FAT3: variants seen among roughly 807,000 people sequenced by gnomAD.
FAT3 encodes protocadherin Fat 3.
In FAT3, 95 loss-of-function variants were observed where a neutral mutation model predicts 310.2. That is an observed-to-expected ratio of 0.31 (90% CI 0.26 to 0.36). The LOEUF is 0.36. FAT3 is among the 10% of genes least tolerant of loss of function. The probability of loss-of-function intolerance (pLI) is 1.00; values close to 1 mark genes in which losing one functional copy is unlikely to be tolerated. For synonymous variants in FAT3, 2,314 were observed against 2,192.9 expected (o/e 1.06, Z -1.54); for missense variants, 5,408 against 5,715.6 (o/e 0.95, Z 1.74).
chr11:92,885,884 C>T (rs1172430908), intron 24 of FAT3, among the ~76,000 whole-genome samples: 1 of 152,204 alleles, frequency 6.6e-6, no homozygotes, highest in Non-Finnish European at 1.5e-5. Context: ...TATCTCTCCA[C>T]TTACATCGGT....
intron 3 of FAT3, among the ~76,000 whole-genome samples, chr11:92,531,875 A>G (rs555408): frequency 0.42 from 64,031 of 151,654 alleles, 13,547 homozygotes; most frequent in Middle Eastern, 0.56. Flanking sequence ...GCTGTTCTAT[A>G]TGTTATATAA....
At chr11:92,743,802 G>A (rs1294682020) in intron 4 of FAT3, among the ~76,000 whole-genome samples, 1 of 152,176 alleles carries the variant, frequency 6.6e-6, no homozygotes, top group Non-Finnish European at 1.5e-5. Flanking sequence ...AGATTAATGG[G>A]TTATCATAAC....
In FAT3 at chr11:92,476,217, A is replaced by G. The variant is rs78777893; in HGVS notation, c.3293-48417A>G. 9.8e-3 allele frequency among the ~76,000 whole-genome samples: 1,499 copies of G among 152,262 alleles called. 27 individuals carry two copies. Among genetic ancestry groups the G allele is most frequent in the African/African-American group, 0.034 (1,401 of 41,540 alleles). Reference sequence around the variant, plus strand: ...ATATCAAGAAAGCATCCTTTAACTTATTTTGGATTTGGCTAGATCACCATC... The same window carrying G: ...ATATCAAGAAAGCATCCTTTAACTTGTTTTGGATTTGGCTAGATCACCATC... On this transcript the variant is annotated intron_variant, in intron 2 of 27. Coordinates refer to ENST00000525166, the MANE Select transcript of FAT3 (RefSeq NM_001367949.2).
chr11:92,613,376 T>C (rs1940656028), intron 3 of FAT3, among the ~76,000 whole-genome samples: 1 of 142,436 alleles, frequency 7.0e-6, no homozygotes, highest in Non-Finnish European at 1.5e-5. Flanking sequence ...GACTATTGAG[T>C]TCAAAAGTAA....
chr11:92,801,459 A>G lies in FAT3; in HGVS notation c.8446A>G (p.Thr2816Ala). Residue 2816 changes from threonine (T) to alanine (A), a missense_variant, in exon 10 of 28, where the codon ACT becomes GCT. Coordinates refer to ENST00000525166, the MANE Select transcript of FAT3 (RefSeq NM_001367949.2). The part of the protein sequence containing the change: ...DLNDNKPVFE[T>A]SSYDTIIMEG... ...GAATGACAACAAGCCAGTCTTTGAA[A>G]CTTCAAGCTATGACACCATTATAAT... The G allele has an allele frequency of 6.2e-7, 1 of 1,613,806 alleles. No individual in the cohort carries two copies. Among genetic ancestry groups the G allele is most frequent in the South Asian group, 1.1e-5 (1 of 91,058 alleles).
At chr11:92,551,646 G>A (rs1317968050) in intron 3 of FAT3, among the ~76,000 whole-genome samples, 1 of 152,042 alleles carries the variant, frequency 6.6e-6, no homozygotes, top group Non-Finnish European at 1.5e-5. Flanking sequence ...TGAAACAGCT[G>A]TACTTGGTTA....
At chr11:92,819,808 G>T (rs990252859) in intron 13 of FAT3, among the ~76,000 whole-genome samples, 1 of 152,118 alleles carries the variant, frequency 6.6e-6, no homozygotes, top group Non-Finnish European at 1.5e-5. Context: ...ATTTATACTG[G>T]TTACAAAACC....
At chr11:92,701,381 C>T (rs1944091977) in intron 4 of FAT3, among the ~76,000 whole-genome samples, 1 of 152,176 alleles carries the variant, frequency 6.6e-6, no homozygotes, top group African/African-American at 2.4e-5. Flanking sequence ...GTTTTTCAGT[C>T]TGTAGAGCAT....
At chr11:92,706,381 G>A (rs958812636) in intron 4 of FAT3, among the ~76,000 whole-genome samples, 16 of 152,144 alleles carry the variant, frequency 1.1e-4, no homozygotes, top group Non-Finnish European at 1.3e-4. Flanking sequence ...GGGTAGGTCA[G>A]TAATTCAGAG....
At chr11:92,226,480 T>G (rs949564646) in intron 1 of FAT3, among the ~76,000 whole-genome samples, 22 of 151,886 alleles carry the variant, frequency 1.4e-4, no homozygotes, top group African/African-American at 4.6e-4. Flanking sequence ...GAGAGCCGCT[T>G]GGGTTGCTCG....
At chr11:92,617,517 C>T (rs373773883) in intron 3 of FAT3, among the ~76,000 whole-genome samples, 7 of 152,134 alleles carry the variant, frequency 4.6e-5, no homozygotes, top group African/African-American at 7.2e-5. Context: ...CACTTTGTTC[C>T]GTTGCTGGAG....
At chr11:92,244,447 A>C (rs1196588151) in intron 1 of FAT3, among the ~76,000 whole-genome samples, 3 of 152,090 alleles carry the variant, frequency 2.0e-5, no homozygotes, top group African/African-American at 7.2e-5. Context: ...TACCCTATAA[A>C]AGGTATTGAG....
chr11:92,549,893 C>G (rs3858364), intron 3 of FAT3, among the ~76,000 whole-genome samples: 22,763 of 151,954 alleles, frequency 0.15, 1,861 homozygotes, highest in East Asian at 0.29. Context: ...CATATATACT[C>G]TCATTTCATT....
At chr11:92,565,524 C>T (rs1453567030) in intron 3 of FAT3, among the ~76,000 whole-genome samples, 2 of 150,746 alleles carry the variant, frequency 1.3e-5, no homozygotes, top group African/African-American at 4.9e-5. Context: ...GGAATCCTCC[C>T]TAACTCATTT....
At position 92,563,394 on chromosome 11, in the gene FAT3, TC is replaced by T. The variant is rs1196798717; in HGVS notation, c.3607+38451del. On this transcript the variant is annotated intron_variant, in intron 3 of 27. Coordinates refer to ENST00000525166, the MANE Select transcript of FAT3 (RefSeq NM_001367949.2). ...TAAGTAAAACATTTTGAGCAGGCAT[TC>T]CCCCAATATTTTGTGATTGACTGAA... Among the ~76,000 whole-genome samples, 6 of 152,230 alleles carry T rather than the reference TC, an allele frequency of 3.9e-5. No homozygotes were observed. The East Asian group carries it at 1.2e-3, about 29-fold the overall frequency.
At chr11:92,643,388 T>C (rs1007975616) in intron 3 of FAT3, among the ~76,000 whole-genome samples, 1 of 152,182 alleles carries the variant, frequency 6.6e-6, no homozygotes, top group African/African-American at 2.4e-5. Context: ...AAAACCCTCA[T>C]CAGCCAGTGC....
chr11:92,234,921 A>C (rs942890254), intron 1 of FAT3, among the ~76,000 whole-genome samples: 4 of 143,784 alleles, frequency 2.8e-5, no homozygotes, highest in African/African-American at 1.0e-4. Flanking sequence ...AAAAAAAAAA[A>C]TTAGCTGGGC....
chr11:92,859,190 A>C lies in FAT3; in HGVS notation c.11526A>C (p.Gly3842=). The change falls in exon 21 of 28, where the codon GGA becomes GGC. Residue 3842 remains glycine, a synonymous_variant. Transcript: ENST00000525166. ...GGCACACTTCTCTCAGCTTTGCTGG[A>C]AACAGTTACATCAAATATCGGCTTT... The part of the protein sequence containing the change: ...CSGHTSLSFA[G]NSYIKYRLSE... The C allele has an allele frequency of 6.2e-7, 1 of 1,613,726 alleles. No individual in the cohort carries two copies. The highest frequency in any genetic ancestry group is 1.1e-5 in the South Asian group (1 of 91,054).
At chr11:92,511,545 A>G (rs1217885047) in intron 2 of FAT3, among the ~76,000 whole-genome samples, 7 of 152,184 alleles carry the variant, frequency 4.6e-5, no homozygotes, top group Non-Finnish European at 1.0e-4. Context: ...GGATAGAGAA[A>G]AGCAAATCAA....
Sources: allele counts gnomAD v4.1 joint callset (sites outside exome capture counted in the v4.1 genomes callset), GRCh38; gene constraint gnomAD v4.1.1; transcripts MANE v1.5; gene names NCBI Gene and HGNC (gene_info 2026-07-23, HGNC 2026-07-21).